Variants in ACTR3B observed in about 807,000 individuals in gnomAD.
ACTR3B encodes the protein actin related protein 3B, also known as actin-related protein 3B.
ACTR3B carries 8 observed loss-of-function variants against 59.0 expected under a neutral mutation model. The observed-to-expected ratio is 0.14, with a 90% CI of 0.08 to 0.24. The LOEUF is 0.24. Among genes scored for constraint, ACTR3B ranks in the 10% least tolerant of loss-of-function variants. ACTR3B has a pLI of 1.00. For synonymous variants in ACTR3B, 148 were observed against 197.9 expected (o/e 0.75, Z 2.12); for missense variants, 245 against 552.3 (o/e 0.44, Z 5.58).
At chr7:152,846,593 T>G (rs1164850581) in intron 9 of ACTR3B, among the ~76,000 whole-genome samples, 2 of 137,406 alleles carry the variant, frequency 1.5e-5, no homozygotes, top group African/African-American at 2.8e-5. Context: ...TGGGCTGTAG[T>G]CTGCAGTGAG....
intron 1 of ACTR3B, among the ~76,000 whole-genome samples, chr7:152,771,221 CT>C (rs1365581408): frequency 6.6e-6 from 1 of 152,238 alleles, no homozygotes; most frequent in African/African-American, 2.4e-5. Context: ...TCCCAAAGTG[CT>C]GGGATTACTG....
At chr7:152,785,493 C>CAGAGAGAGAGAG (rs1194127436) in intron 2 of ACTR3B, among the ~76,000 whole-genome samples, 2 of 58,670 alleles carry the variant, frequency 3.4e-5, no homozygotes, top group Non-Finnish European at 6.4e-5. Flanking sequence ...GAGAGAGAGA[C>CAGAGAGAGAGAG]AGAGAGAGAG....
At chr7:152,772,544 A>AG (rs1464123026) in intron 1 of ACTR3B, among the ~76,000 whole-genome samples, 1 of 151,476 alleles carries the variant, frequency 6.6e-6, no homozygotes, top group African/African-American at 2.4e-5. Flanking sequence ...AAACAAGAGT[A>AG]GGGGAGTTAG....
At chr7:152,832,613 G>A (rs1377243991) in intron 9 of ACTR3B, among the ~76,000 whole-genome samples, 2 of 152,154 alleles carry the variant, frequency 1.3e-5, no homozygotes, top group East Asian at 3.9e-4. Context: ...TCCTGGGCTC[G>A]AGCCTCCCAA....
At chr7:152,791,041 T>G (rs180883523) in intron 2 of ACTR3B, among the ~76,000 whole-genome samples, 3 of 148,824 alleles carry the variant, frequency 2.0e-5, no homozygotes, top group Non-Finnish European at 4.5e-5. Flanking sequence ...TGAGACAGAG[T>G]CTTGCTCTGT....
At position 152,796,183 on chromosome 7, in the gene ACTR3B, C is replaced by T. The variant is rs184960278; in HGVS notation, c.101-4348C>T. ...CTAAGGATTTGATATAATTTATTTACCTGATCTCTGATTTCAGGTCAGTTA... is the reference window on the plus strand; with the variant it reads ...CTAAGGATTTGATATAATTTATTTATCTGATCTCTGATTTCAGGTCAGTTA... On this transcript the variant is annotated intron_variant, in intron 2 of 11. Transcript: ENST00000256001. Among the ~76,000 whole-genome samples, 10 of 152,198 alleles carry T rather than the reference C, an allele frequency of 6.6e-5. No individual in the cohort carries two copies. In the East Asian group the frequency reaches 1.7e-3, roughly 26 times the overall value.
chr7:152,800,667 A>G lies in ACTR3B; in HGVS notation c.225+12A>G. ...CATATGCTACAAAGGTAAATTTCCG[A>G]CAGGTGTTTGCTTCTCTAAGTGTAG... On this transcript the variant is annotated intron_variant, in intron 3 of 11. Transcript: ENST00000256001. The G allele has an allele frequency of 1.9e-6, 3 of 1,612,878 alleles. No homozygotes were observed. The highest frequency in any genetic ancestry group is 4.5e-5 in the East Asian group (2 of 44,860).
intron 10 of ACTR3B, 116 bp from the exon 11 acceptor site, chr7:152,853,378 C>T: frequency 2.5e-6 from 2 of 811,896 alleles, no homozygotes; most frequent in Non-Finnish European, 2.1e-6. Flanking sequence ...TGAGGTGGTG[C>T]TCGTGCCATA....
At chr7:152,765,999 C>T (rs908770350) in intron 1 of ACTR3B, among the ~76,000 whole-genome samples, 3 of 151,870 alleles carry the variant, frequency 2.0e-5, no homozygotes, top group South Asian at 2.1e-4. Flanking sequence ...TTATTTTTTT[C>T]GGTCTCTTCA....
rs1212538095 is a variant in ACTR3B, at chr7:152,824,677, A to G, written c.859-353A>G. On this transcript the variant is annotated intron_variant, in intron 8 of 11. Transcript: ENST00000256001. This position sits in a 1 kb window ranked among gnomAD's most constrained non-coding sequence, Gnocchi z 4.2. ...CATAATACGAATATTGTCAAATGATATGTCAAAGTCATGTTTCTCACTGCG... is the reference window on the plus strand; with the variant it reads ...CATAATACGAATATTGTCAAATGATGTGTCAAAGTCATGTTTCTCACTGCG... 3.9e-5 allele frequency among the ~76,000 whole-genome samples: 6 copies of G among 152,160 alleles called. No individual in the cohort carries two copies.
intron 1 of ACTR3B, among the ~76,000 whole-genome samples, chr7:152,765,545 AG>A (rs1254274201): frequency 6.6e-6 from 1 of 151,872 alleles, no homozygotes; most frequent in Non-Finnish European, 1.5e-5. Context: ...GAGTCCACAA[AG>A]GGGAGGTTAC....
At chr7:152,799,075 C>T (rs970006272) in intron 2 of ACTR3B, among the ~76,000 whole-genome samples, 5 of 152,168 alleles carry the variant, frequency 3.3e-5, no homozygotes, top group African/African-American at 1.2e-4. Context: ...CTGTACCTCA[C>T]TTTGGGTAGT....
intron 9 of ACTR3B, among the ~76,000 whole-genome samples, chr7:152,842,001 A>C (rs1007274427): frequency 6.6e-6 from 1 of 152,232 alleles, no homozygotes; most frequent in Non-Finnish European, 1.5e-5. Flanking sequence ...AAGGTACAGA[A>C]GGGAACCATC....
chr7:152,836,046 G>A (rs1310807052), intron 9 of ACTR3B, among the ~76,000 whole-genome samples: 1 of 149,100 alleles, frequency 6.7e-6, no homozygotes, highest in Non-Finnish European at 1.5e-5. Flanking sequence ...TGGTGAGTGA[G>A]GGCTTTCCAG....
intron 1 of ACTR3B, among the ~76,000 whole-genome samples, chr7:152,772,888 A>G (rs1404838696): frequency 6.6e-5 from 10 of 152,164 alleles, no homozygotes; most frequent in Non-Finnish European, 1.2e-4. Context: ...AAAGTCAACA[A>G]TATCATGGGG....
At chr7:152,803,764 C>T (rs1313721266) in intron 4 of ACTR3B, among the ~76,000 whole-genome samples, 3 of 152,084 alleles carry the variant, frequency 2.0e-5, no homozygotes, top group Non-Finnish European at 4.4e-5. Flanking sequence ...TAAAAATGGG[C>T]ACCTGCAATG....
intron 1 of ACTR3B, among the ~76,000 whole-genome samples, chr7:152,777,682 C>CG (rs1430627201): frequency 1.3e-5 from 2 of 152,160 alleles, no homozygotes; most frequent in Non-Finnish European, 2.9e-5. Context: ...TTGCCATGCG[C>CG]GGTGGCTCAC....
chr7:152,766,167 C>T (rs2098109586), intron 1 of ACTR3B, among the ~76,000 whole-genome samples: 1 of 152,172 alleles, frequency 6.6e-6, no homozygotes, highest in Non-Finnish European at 1.5e-5. Context: ...AAAGCAAAAA[C>T]AGCCAAGGGA....
rs779954922 is a variant in ACTR3B, at chr7:152,852,183, A to C, written c.1009A>C (p.Arg337=). 1.9e-6 allele frequency: 3 copies of C among 1,610,766 alleles called. No homozygotes were observed. The highest frequency in any genetic ancestry group is 2.5e-6 in the Non-Finnish European group (3 of 1,178,062). Residue 337 remains arginine, a synonymous_variant, in exon 10 of 12, where the codon AGG becomes CGG. Transcript: ENST00000256001. Reference sequence around the variant, plus strand: ...CAGGGATTTCGGACGCCGACTGCAGAGGGATTTGAAGAGAGTGGTGGATGC... The same window carrying C: ...CAGGGATTTCGGACGCCGACTGCAGCGGGATTTGAAGAGAGTGGTGGATGC... ...MFRDFGRRLQ[R]DLKRVVDARL...
Sources: gnomAD v4.1 joint callset for allele counts (sites outside exome capture counted in the v4.1 genomes callset) on GRCh38, gnomAD v4.1.1 for gene constraint, Gnocchi (gnomAD v3.1) non-coding constraint, MANE v1.5 for transcripts, NCBI Gene and HGNC (gene_info 2026-07-23, HGNC 2026-07-21) for gene names.